The following SORCS2 variants were observed in gnomAD, a reference collection of about 807,000 sequenced individuals.
SORCS2 encodes the protein VPS10 domain-containing receptor SorCS2.
Under a neutral mutation model 141.6 loss-of-function variants are expected in SORCS2, and 100 were observed. The observed-to-expected ratio is 0.71, with a 90% confidence interval of 0.60 to 0.83. The LOEUF (loss-of-function observed/expected upper bound fraction) is 0.83, where lower values mean the gene tolerates loss of function less well. Among genes scored for constraint, SORCS2 ranks in the 40% least tolerant of loss-of-function variants. The probability of loss-of-function intolerance (pLI) is 0.00; values close to 1 mark genes in which losing one functional copy is unlikely to be tolerated. For missense variants in SORCS2, 1,646 were observed against 1,560.2 expected (o/e 1.05, Z -0.93); for synonymous variants, 789 against 676.9 (o/e 1.17, Z -2.57).
intron 2 of SORCS2, among the ~76,000 whole-genome samples, chr4:7,398,918 T>C (rs972704302): frequency 1.3e-5 from 2 of 152,224 alleles, no homozygotes; most frequent in Non-Finnish European, 2.9e-5. Context: ...TGGTGCGCAG[T>C]GGCATTCAAT....
chr4:7,359,816 A>C (rs998510556), intron 1 of SORCS2, among the ~76,000 whole-genome samples: 1 of 152,228 alleles, frequency 6.6e-6, no homozygotes, highest in African/African-American at 2.4e-5. Context: ...TGGGCCACTA[A>C]GAGGCAGCCC....
Position 7,261,604 on chromosome 4 carries a change from G to A in SORCS2, c.480+68478G>A, listed in dbSNP as rs140507571. On this transcript the variant is annotated intron_variant, in intron 1 of 26. Coordinates refer to ENST00000507866, the MANE Select transcript of SORCS2 (RefSeq NM_020777.3). Reference sequence around the variant, plus strand: ...AAATTAGTTCCTTGAATGATCAGCTGTACATATCCTGCATTTAATAAATTC... The same window carrying A: ...AAATTAGTTCCTTGAATGATCAGCTATACATATCCTGCATTTAATAAATTC... Among the ~76,000 whole-genome samples, 351 of 152,338 alleles carry A rather than the reference G, an allele frequency of 2.3e-3. 2 individuals are homozygous for A. Among genetic ancestry groups the A allele is most frequent in the East Asian group, 0.02 (103 of 5,194 alleles).
chr4:7,514,625 T>C (rs1732863925), intron 2 of SORCS2, among the ~76,000 whole-genome samples: 1 of 151,934 alleles, frequency 6.6e-6, no homozygotes, highest in African/African-American at 2.4e-5. Flanking sequence ...GCAAAGGCCC[T>C]GAGGTGGGAC....
chr4:7,636,323 C>T (rs1220903622), intron 3 of SORCS2, among the ~76,000 whole-genome samples: 7 of 152,234 alleles, frequency 4.6e-5, no homozygotes, highest in Non-Finnish European at 7.3e-5. Context: ...ATCTCTGCGG[C>T]GCCCGGTGCC....
chr4:7,388,096 A>T (rs1381326302), intron 1 of SORCS2, among the ~76,000 whole-genome samples: 2 of 140,686 alleles, frequency 1.4e-5, no homozygotes, highest in African/African-American at 2.7e-5. Flanking sequence ...ATGCACACAC[A>T]TGCATGCACA....
chr4:7,287,869 G>A (rs1036945964), intron 1 of SORCS2, among the ~76,000 whole-genome samples: 3 of 152,180 alleles, frequency 2.0e-5, no homozygotes, highest in Non-Finnish European at 4.4e-5. Flanking sequence ...TGTTTCTTCC[G>A]CTATGGTAAA....
intron 1 of SORCS2, among the ~76,000 whole-genome samples, chr4:7,219,097 C>T (rs1439743694): frequency 2.6e-5 from 4 of 152,100 alleles, no homozygotes; most frequent in East Asian, 1.9e-4. Flanking sequence ...TTCTTCTCTG[C>T]ACCACCTATG....
intron 3 of SORCS2, among the ~76,000 whole-genome samples, chr4:7,548,977 C>T (rs1237092725): frequency 6.6e-6 from 1 of 152,148 alleles, no homozygotes; most frequent in East Asian, 1.9e-4. Context: ...CTGATGCTCT[C>T]ATTGGCTGGG....
At chr4:7,550,017 C>T (rs766961989) in intron 3 of SORCS2, among the ~76,000 whole-genome samples, 26 of 151,708 alleles carry the variant, frequency 1.7e-4, no homozygotes, top group African/African-American at 5.3e-4. Context: ...AATCCACAGG[C>T]GGATGAACAG....
At chr4:7,665,267 G>T (rs901293827) in intron 7 of SORCS2, among the ~76,000 whole-genome samples, 2 of 152,126 alleles carry the variant, frequency 1.3e-5, no homozygotes, top group Middle Eastern at 3.2e-3. Context: ...CTCAGTCTGT[G>T]CCAAGGGCCA....
chr4:7,429,123 C>T (rs960482287), intron 2 of SORCS2, among the ~76,000 whole-genome samples: 1 of 152,166 alleles, frequency 6.6e-6, no homozygotes, highest in African/African-American at 2.4e-5. Flanking sequence ...TGGTGCACTG[C>T]ATTGAGGCAC....
At chr4:7,409,035 A>C (rs959643625) in intron 2 of SORCS2, among the ~76,000 whole-genome samples, 5 of 152,200 alleles carry the variant, frequency 3.3e-5, no homozygotes, top group African/African-American at 1.2e-4. Context: ...TTCTTGGTCA[A>C]GGAGCTCACG....
intron 1 of SORCS2, among the ~76,000 whole-genome samples, chr4:7,374,273 A>G (rs1006070638): frequency 5.3e-5 from 8 of 151,534 alleles, no homozygotes; most frequent in African/African-American, 1.9e-4. Context: ...GGAAAGAGAG[A>G]TGTGGGATAA....
At chr4:7,418,186 G>A (rs1319329821) in intron 2 of SORCS2, among the ~76,000 whole-genome samples, 2 of 152,066 alleles carry the variant, frequency 1.3e-5, no homozygotes, top group Admixed American at 6.5e-5. Context: ...CCTAGACTCC[G>A]GAGATTCAAT....
chr4:7,704,699 G>T (rs961866423), intron 14 of SORCS2, among the ~76,000 whole-genome samples: 2 of 152,228 alleles, frequency 1.3e-5, no homozygotes, highest in African/African-American at 2.4e-5. Flanking sequence ...CACCATGAGG[G>T]GCAAAGGGGC....
chr4:7,710,619 C>T (rs1267871140), intron 14 of SORCS2, among the ~76,000 whole-genome samples: 4 of 152,192 alleles, frequency 2.6e-5, no homozygotes, highest in African/African-American at 4.8e-5. Context: ...AGTTGGGGCT[C>T]TCCAATGTTG....
intron 2 of SORCS2, among the ~76,000 whole-genome samples, chr4:7,460,968 C>G (rs75281034): frequency 1.9e-4 from 29 of 152,238 alleles, no homozygotes; most frequent in African/African-American, 6.0e-4. Context: ...TTTCTCCCCC[C>G]TCTCTTTCCA....
At chr4:7,433,127 A>C in intron 2 of SORCS2, 1 of 529,146 alleles carries the variant, frequency 1.9e-6, no homozygotes. Flanking sequence ...TTTCAAGGGC[A>C]AAGCTGTGCG....
intron 1 of SORCS2, among the ~76,000 whole-genome samples, chr4:7,353,989 G>C (rs1721103960): frequency 6.6e-6 from 1 of 152,194 alleles, no homozygotes; most frequent in Non-Finnish European, 1.5e-5. Flanking sequence ...CAAGAAGTAA[G>C]TGTGCACCCC....
Sources: gnomAD v4.1 joint callset for allele counts (sites outside exome capture counted in the v4.1 genomes callset) on GRCh38, gnomAD v4.1.1 for gene constraint, MANE v1.5 for transcripts, NCBI Gene and HGNC (gene_info 2026-07-23, HGNC 2026-07-21) for gene names.